Variants in PDGFD observed in about 807,000 individuals in gnomAD.
PDGFD encodes the protein platelet derived growth factor D, also known as platelet-derived growth factor D.
A neutral mutation model predicts 44.7 loss-of-function variants in PDGFD; 30 were observed. The observed-to-expected ratio is 0.67, with a 90% CI of 0.50 to 0.91. The LOEUF (loss-of-function observed/expected upper bound fraction) is 0.91. Among genes scored for constraint, PDGFD ranks in the 40% least tolerant of loss-of-function variants. The pLI is 0.00. For missense variants in PDGFD, 445 were observed against 457.8 expected, an observed-to-expected ratio of 0.97 and a Z score of 0.25; for synonymous variants, 173 against 168.4, an observed-to-expected ratio of 1.03 and a Z score of -0.21.
chr11:103,950,769 A>C (rs1405665991), intron 3 of PDGFD, among the ~76,000 whole-genome samples: 1 of 152,058 alleles, frequency 6.6e-6, no homozygotes, highest in African/African-American at 2.4e-5. Context: ...ACGATGAAAC[A>C]GTTTCCAAAA....
At chr11:104,018,322 C>A (rs552782294) in intron 1 of PDGFD, among the ~76,000 whole-genome samples, 2 of 152,280 alleles carry the variant, frequency 1.3e-5, no homozygotes, top group South Asian at 2.1e-4. Flanking sequence ...ACTTACATAT[C>A]AGTAAACAGA....
At chr11:104,145,212 T>C (rs1219223413) in intron 1 of PDGFD, among the ~76,000 whole-genome samples, 10 of 152,208 alleles carry the variant, frequency 6.6e-5, no homozygotes, top group Non-Finnish European at 1.5e-4. Context: ...TTAATCATTA[T>C]TCCATATGTC....
At chr11:103,978,394 G>A (rs1859214856) in intron 3 of PDGFD, among the ~76,000 whole-genome samples, 1 of 152,094 alleles carries the variant, frequency 6.6e-6, no homozygotes, top group South Asian at 2.1e-4. Context: ...ATTAACTAAC[G>A]AAACATGTAA....
intron 3 of PDGFD, among the ~76,000 whole-genome samples, chr11:103,966,798 C>T (rs1342538147): frequency 6.6e-6 from 1 of 151,784 alleles, no homozygotes; most frequent in Non-Finnish European, 1.5e-5. Context: ...CTTTGTGATG[C>T]CTTCTAGACA....
At chr11:104,057,219 T>A (rs952755861) in intron 1 of PDGFD, among the ~76,000 whole-genome samples, 3 of 152,070 alleles carry the variant, frequency 2.0e-5, no homozygotes, top group African/African-American at 7.2e-5. Context: ...CTACACAACA[T>A]TGATAAGAAA....
intron 1 of PDGFD, among the ~76,000 whole-genome samples, chr11:104,074,334 G>C (rs567971801): frequency 1.3e-5 from 2 of 152,308 alleles, no homozygotes; most frequent in African/African-American, 4.8e-5. Flanking sequence ...CTTTGAGGTA[G>C]TTTGTTTTGC....
At chr11:104,073,462 G>T (rs965220449) in intron 1 of PDGFD, among the ~76,000 whole-genome samples, 1 of 152,148 alleles carries the variant, frequency 6.6e-6, no homozygotes, top group South Asian at 2.1e-4. Flanking sequence ...GGACAGAAAT[G>T]ACAATTTCTA....
At chr11:103,998,456 C>A (rs971866214) in intron 2 of PDGFD, among the ~76,000 whole-genome samples, 3 of 152,172 alleles carry the variant, frequency 2.0e-5, no homozygotes, top group Non-Finnish European at 4.4e-5. Flanking sequence ...CATCAATACT[C>A]TTCTAGGCTG....
At chr11:103,946,480 A>G (rs1858669568) in intron 4 of PDGFD, 2 of 152,196 alleles carry the variant, frequency 1.3e-5, no homozygotes, top group Non-Finnish European at 2.9e-5. Flanking sequence ...CTGTGGTTGG[A>G]GCAAGAATCA....
chr11:104,064,776 T>C (rs1375320803), intron 1 of PDGFD, among the ~76,000 whole-genome samples: 3 of 128,840 alleles, frequency 2.3e-5, no homozygotes, highest in Non-Finnish European at 4.9e-5. Context: ...TTGCATATTC[T>C]GATTTTGCCT....
intron 1 of PDGFD, among the ~76,000 whole-genome samples, chr11:104,083,956 A>G (rs1861083649): frequency 6.6e-6 from 1 of 152,198 alleles, no homozygotes; most frequent in African/African-American, 2.4e-5. Context: ...AATCCCATGT[A>G]CAGGTTATGA....
intron 1 of PDGFD, among the ~76,000 whole-genome samples, chr11:104,078,953 T>C (rs1213624692): frequency 2.0e-5 from 3 of 152,270 alleles, no homozygotes; most frequent in South Asian, 2.1e-4. Context: ...CACTTAGCAA[T>C]TGGGTAGGTT....
intron 3 of PDGFD, among the ~76,000 whole-genome samples, chr11:103,970,551 T>C (rs994489650): frequency 5.3e-5 from 8 of 152,090 alleles, no homozygotes; most frequent in Admixed American, 4.6e-4. Context: ...TATAAGATGT[T>C]GACAAACTTG....
At chr11:104,016,281 T>A (rs548245106) in intron 1 of PDGFD, among the ~76,000 whole-genome samples, 4 of 152,364 alleles carry the variant, frequency 2.6e-5, no homozygotes, top group African/African-American at 7.2e-5. Flanking sequence ...CCTGAATGTG[T>A]TGGCTGCTCT....
chr11:104,093,113 C>G (rs1404321476), intron 1 of PDGFD, among the ~76,000 whole-genome samples: 1 of 152,144 alleles, frequency 6.6e-6, no homozygotes, highest in Non-Finnish European at 1.5e-5. Context: ...TTTCAACTAG[C>G]TGAAACCTAA....
chr11:104,144,183 C>T (rs1480914900), intron 1 of PDGFD, among the ~76,000 whole-genome samples: 5 of 152,108 alleles, frequency 3.3e-5, no homozygotes, highest in Admixed American at 3.3e-4. Context: ...AAGGAAAAAC[C>T]TCAGAATCTC....
intron 3 of PDGFD, among the ~76,000 whole-genome samples, chr11:103,973,515 T>C (rs574741928): frequency 1.0e-3 from 155 of 152,208 alleles, no homozygotes; most frequent in African/African-American, 3.5e-3. Flanking sequence ...TCAGAAGTAG[T>C]TGATAATCCT....
chr11:104,124,259 T>C (rs1450854003), intron 1 of PDGFD, among the ~76,000 whole-genome samples: 1 of 152,088 alleles, frequency 6.6e-6, no homozygotes, highest in African/African-American at 2.4e-5. Context: ...AGGCTGCATA[T>C]GCACTGTAGA....
chr11:104,077,908 G>A (rs1012339556), intron 1 of PDGFD, among the ~76,000 whole-genome samples: 1 of 152,030 alleles, frequency 6.6e-6, no homozygotes, highest in Non-Finnish European at 1.5e-5. Context: ...CATCTGAAGG[G>A]GAAAATGTAC....
Sources: allele counts gnomAD v4.1 joint callset (sites outside exome capture counted in the v4.1 genomes callset), GRCh38; gene constraint gnomAD v4.1.1; transcripts MANE v1.5; gene names NCBI Gene and HGNC (gene_info 2026-07-23, HGNC 2026-07-21).